Variants in DOCK10 observed in about 807,000 individuals in gnomAD.
The protein encoded by DOCK10 is dedicator of cytokinesis 10.
A neutral mutation model predicts 280.1 loss-of-function variants in DOCK10; 145 were observed. That is an observed-to-expected ratio of 0.52 (90% CI 0.45 to 0.59). The LOEUF is 0.59. Among genes scored for constraint, DOCK10 ranks in the 20% least tolerant of loss-of-function variants. The pLI is 0.00. For synonymous variants in DOCK10, 915 were observed against 942.2 expected (o/e 0.97, Z 0.53); for missense variants, 2,368 against 2,651.7 (o/e 0.89, Z 2.35).
At position 224,804,807 on chromosome 2, in the gene DOCK10, G is replaced by C. The variant is rs781723793; in HGVS notation, c.4153C>G (p.Arg1385Gly). ...CLQNFRYLGK[R>G]NIIRKIAAAF... ...TAAAATTAGTACCTTATTATGTTGC[G>C]TTTTCCTAGGTATCTGAAATTTTGA... Residue 1385 changes from arginine to glycine, a missense_variant, in exon 38 of 56, where the codon CGC becomes GGC. Transcript: ENST00000258390. 20 of 1,506,724 alleles carry C rather than the reference G, an allele frequency of 1.3e-5. No individual in the cohort carries two copies. The highest frequency in any genetic ancestry group is 2.7e-6 in the Non-Finnish European group (3 of 1,128,392). The allele number at this position is 1,506,724 out of a possible 1,614,324, so 93.3% of individuals were successfully genotyped here. A position where few individuals can be genotyped will look rare whatever the true frequency, so the allele number is the denominator to read the frequency against.
Position 224,804,106 on chromosome 2 carries a change from C to T in DOCK10, c.4268+6G>A, listed in dbSNP as rs1479967961. On this transcript the variant is annotated splice_donor_region_variant and intron_variant, in intron 39 of 55. Coordinates refer to ENST00000258390, the MANE Select transcript of DOCK10 (RefSeq NM_014689.3). Reference sequence around the variant, plus strand: ...AATTTTAAATACCAAGCAAATGTGACATTACCATTGTGACAAGAGACCTGA... The same window carrying T: ...AATTTTAAATACCAAGCAAATGTGATATTACCATTGTGACAAGAGACCTGA... 12 of 1,586,278 alleles carry T rather than the reference C, an allele frequency of 7.6e-6. No homozygotes were observed. Among genetic ancestry groups the T allele is most frequent in the Non-Finnish European group, 1.0e-5 (12 of 1,156,176 alleles).
In DOCK10 at chr2:224,773,313, T is replaced by C. The variant is rs764166274; in HGVS notation, c.6048A>G (p.Ile2016Met). 5.0e-6 allele frequency: 8 copies of C among 1,613,358 alleles called. No homozygotes were observed. The African/African-American group carries it at 6.7e-5, about 13-fold the overall frequency. The part of the protein sequence containing the change: ...SHLFPYVKKR[I>M]QVISQSSTEL... ...CTGTGCTCGATTGGCTAATTACTTG[T>C]ATTCTCTTCTTCACGTAGGGGAACA... The change falls in exon 53 of 56, where the codon ATA (isoleucine) becomes ATG (methionine). Residue 2016 changes from isoleucine to methionine, a missense_variant. Physicochemically the swap from Ile to Met is conservative, Grantham distance 10. Coordinates refer to ENST00000258390, the MANE Select transcript of DOCK10 (RefSeq NM_014689.3).
chr2:224,892,423 G>GA (rs1699742832), intron 4 of DOCK10, among the ~76,000 whole-genome samples: 72 of 61,064 alleles, frequency 1.2e-3, no homozygotes, highest in Middle Eastern at 6.8e-3. Flanking sequence ...AAAAAAAAAA[G>GA]AAAGAAAGAA....
chr2:224,994,834 G>A (rs1448325975), intron 1 of DOCK10, among the ~76,000 whole-genome samples: 1 of 152,160 alleles, frequency 6.6e-6, no homozygotes, highest in Non-Finnish European at 1.5e-5. Context: ...TATTGTTGAA[G>A]AACACGGTAT....
At chr2:224,843,978 G>A (rs1696157838) in intron 22 of DOCK10, among the ~76,000 whole-genome samples, 1 of 152,176 alleles carries the variant, frequency 6.6e-6, no homozygotes, top group South Asian at 2.1e-4. Context: ...CAGAGGTAAA[G>A]TGACTTGCCC....
chr2:224,818,355 C>T (rs947562162), intron 29 of DOCK10, among the ~76,000 whole-genome samples: 1 of 151,108 alleles, frequency 6.6e-6, no homozygotes, highest in South Asian at 2.1e-4. Flanking sequence ...CGTTAAGTGA[C>T]GCATGACTGT....
In DOCK10 at chr2:224,837,805, C is replaced by T. The variant is rs769531085; in HGVS notation, c.2807G>A (p.Cys936Tyr). The change falls in exon 25 of 56, where the codon TGC becomes TAC. Residue 936 changes from cysteine to tyrosine, a missense_variant. Around this residue, in one of 2 missense-constraint regions of DOCK10, gnomAD observed 1,209 missense variants for 1,250.9 expected, o/e 0.97. Transcript: ENST00000258390. ...AGAATGATCCAGCTGCTCCTCATGGCACTTGGCCACAATGTCGGTCAGAAC... is the reference window on the plus strand; with the variant it reads ...AGAATGATCCAGCTGCTCCTCATGGTACTTGGCCACAATGTCGGTCAGAAC... Reference protein sequence around the residue: ...TRVLTDIVAKCHEEQLDHSVQ... With the variant: ...TRVLTDIVAKYHEEQLDHSVQ... 6.2e-7 allele frequency: 1 copy of T among 1,613,790 alleles called. No individual in the cohort carries two copies. Among genetic ancestry groups the T allele is most frequent in the African/African-American group, 1.3e-5 (1 of 74,916 alleles).
intron 1 of DOCK10, among the ~76,000 whole-genome samples, chr2:224,972,269 C>T (rs528553170): frequency 4.6e-5 from 7 of 152,296 alleles, no homozygotes; most frequent in Middle Eastern, 6.8e-3. Flanking sequence ...TTAAGGTAAT[C>T]TGTGGGTTAC....
At chr2:224,858,399 C>G (rs979767221) in intron 14 of DOCK10, among the ~76,000 whole-genome samples, 4 of 151,970 alleles carry the variant, frequency 2.6e-5, no homozygotes, top group Admixed American at 2.6e-4. Flanking sequence ...TGGCTCACGC[C>G]TGTAATCCCG....
intron 1 of DOCK10, among the ~76,000 whole-genome samples, chr2:224,935,821 G>A (rs1702657504): frequency 6.6e-6 from 1 of 152,102 alleles, no homozygotes; most frequent in African/African-American, 2.4e-5. Context: ...ATAACTATTT[G>A]TTAAATAAAT....
chr2:224,984,692 T>C (rs1333489096), intron 1 of DOCK10, among the ~76,000 whole-genome samples: 1 of 152,152 alleles, frequency 6.6e-6, no homozygotes, highest in Non-Finnish European at 1.5e-5. Context: ...TCATGAAAGA[T>C]TCCAAACATG....
At chr2:224,787,691 C>T (rs912083463) in intron 48 of DOCK10, among the ~76,000 whole-genome samples, 1 of 152,154 alleles carries the variant, frequency 6.6e-6, no homozygotes, top group South Asian at 2.1e-4. Context: ...TAGTTTTGAG[C>T]GAGTCTGTTT....
At chr2:224,802,410 T>C (rs1011117452) in intron 39 of DOCK10, among the ~76,000 whole-genome samples, 1 of 152,172 alleles carries the variant, frequency 6.6e-6, no homozygotes, top group Non-Finnish European at 1.5e-5. Flanking sequence ...ATTGTACAGC[T>C]CAGATGCATC....
At chr2:224,888,771 T>C (rs1229990560) in intron 4 of DOCK10, among the ~76,000 whole-genome samples, 1 of 151,220 alleles carries the variant, frequency 6.6e-6, no homozygotes, top group Non-Finnish European at 1.5e-5. Flanking sequence ...TATGTGTATG[T>C]ATGTGTGTGA....
At chr2:224,921,354 T>C (rs960800396) in intron 2 of DOCK10, among the ~76,000 whole-genome samples, 2 of 150,796 alleles carry the variant, frequency 1.3e-5, no homozygotes, top group African/African-American at 2.5e-5. Context: ...ATTTAAGAAG[T>C]TTTTTGTTTG....
chr2:224,886,156 C>T lies in DOCK10; in HGVS notation c.519G>A (p.Gly173=). Residue 173 remains glycine (G), a synonymous_variant, in exon 6 of 56, where the codon GGG becomes GGA. Coordinates refer to ENST00000258390, the MANE Select transcript of DOCK10 (RefSeq NM_014689.3). The stretch of plus-strand genomic sequence containing the variant: ...CACCAGTTCCTCCCGCTCCTCCACC[C>T]CCCTTGGAAGACGAGTGGGAAGTGG... The part of the protein sequence containing the change: ...EDTTSHSSSK[G]GGGAGGTGVF... The T allele has an allele frequency of 6.2e-7, 1 of 1,613,868 alleles. No individual in the cohort carries two copies. Among genetic ancestry groups the T allele is most frequent in the Non-Finnish European group, 8.5e-7 (1 of 1,179,844 alleles).
chr2:225,017,065 T>G (rs1334871972), intron 1 of DOCK10, among the ~76,000 whole-genome samples: 1 of 150,382 alleles, frequency 6.6e-6, no homozygotes, highest in East Asian at 2.0e-4. Context: ...GCCTCTTATA[T>G]TTTTAAGTGT....
intron 1 of DOCK10, among the ~76,000 whole-genome samples, chr2:225,010,196 T>C (rs952051309): frequency 3.3e-5 from 5 of 152,224 alleles, no homozygotes; most frequent in African/African-American, 7.2e-5. Flanking sequence ...CATTTTCCTA[T>C]GGCAATGGCA....
At chr2:224,902,708 T>G (rs1398583645) in intron 3 of DOCK10, among the ~76,000 whole-genome samples, 1 of 152,050 alleles carries the variant, frequency 6.6e-6, no homozygotes, top group Non-Finnish European at 1.5e-5. Context: ...AAAACATTTT[T>G]TTTTTTTTGG....
Sources: allele counts gnomAD v4.1 joint callset (sites outside exome capture counted in the v4.1 genomes callset), GRCh38; gene constraint gnomAD v4.1.1; regional missense constraint gnomAD v4.1.1; transcripts MANE v1.5; gene names NCBI Gene and HGNC (gene_info 2026-07-23, HGNC 2026-07-21).